NELL1: variants seen among roughly 807,000 people sequenced by gnomAD.
NELL1 encodes neural EGFL like 1, also known as protein kinase C-binding protein NELL1.
In NELL1, 76 loss-of-function variants were observed where a neutral mutation model predicts 107.4. The ratio of observed to expected loss-of-function variants is 0.71; its 90% confidence interval spans 0.59 to 0.86. The LOEUF is 0.86. NELL1 is among the 40% of genes least tolerant of loss of function. The probability of loss-of-function intolerance (pLI) is 0.00; values close to 1 mark genes in which losing one functional copy is unlikely to be tolerated. For synonymous variants in NELL1, 353 were observed against 341.2 expected, an observed-to-expected ratio of 1.03 and a Z score of -0.38; for missense variants, 1,024 against 1,005.5, an observed-to-expected ratio of 1.02 and a Z score of -0.25.
intron 14 of NELL1, among the ~76,000 whole-genome samples, chr11:21,245,681 A>C (rs547151633): frequency 1.2e-4 from 19 of 152,262 alleles, no homozygotes; most frequent in South Asian, 1.0e-3. Context: ...TTGTGTCCCA[A>C]AGCTTATCAT....
intron 2 of NELL1, among the ~76,000 whole-genome samples, chr11:20,695,702 A>G (rs1016741514): frequency 3.3e-5 from 5 of 151,988 alleles, no homozygotes; most frequent in Admixed American, 1.3e-4. Flanking sequence ...TTTTGTGTCT[A>G]TGTTCATTAG....
chr11:21,557,441 T>C (rs889432778), intron 16 of NELL1, among the ~76,000 whole-genome samples: 6 of 152,012 alleles, frequency 3.9e-5, no homozygotes, highest in African/African-American at 7.2e-5. Context: ...ATAATATAGC[T>C]GGGCATTAGT....
At chr11:21,073,259 C>T (rs887695874) in intron 12 of NELL1, among the ~76,000 whole-genome samples, 4 of 152,024 alleles carry the variant, frequency 2.6e-5, no homozygotes, top group African/African-American at 9.7e-5. Context: ...ACTTGGGATC[C>T]ATCTAGAGTC....
At position 20,783,807 on chromosome 11, in the gene NELL1, G is replaced by C; in HGVS notation, c.312G>C (p.Leu104=). The change falls in exon 3 of 20, where the codon CTG becomes CTC. Residue 104 remains leucine, a synonymous_variant. Transcript: ENST00000357134. ...AGCCATCCACTTCAGGAGTGATACT[G>C]TCCATTCGAGAACTGGAGCACAGGT... is the stretch of plus-strand genomic sequence containing the variant. ...QQKPSTSGVI[L]SIRELEHSYF... 1 of 1,612,846 alleles carries C rather than the reference G, an allele frequency of 6.2e-7. No individual in the cohort carries two copies. The highest frequency in any genetic ancestry group is 8.5e-7 in the Non-Finnish European group (1 of 1,179,488).
In NELL1 at chr11:20,669,650, G is replaced by A. The variant is rs1861699161; in HGVS notation, c.-74G>A. The A allele has an allele frequency of 1.5e-6, 2 of 1,332,578 alleles. No individual in the cohort carries two copies. The highest frequency in any genetic ancestry group is 2.1e-6 in the Non-Finnish European group (2 of 931,970). 82.5% of individuals were successfully genotyped at this position (1,332,578 alleles called of 1,614,324 possible). A position where few individuals can be genotyped will look rare whatever the true frequency, so the allele number is the denominator to read the frequency against. On this transcript the variant is annotated 5_prime_UTR_variant, in exon 1 of 20. Coordinates refer to ENST00000357134, the MANE Select transcript of NELL1 (RefSeq NM_006157.5). The surrounding 1 kb of genome is among the most constrained non-coding windows in gnomAD (Gnocchi z 4.4). ...CAAGTTTGGCGGCTCCAAGCCAGGC[G>A]CGCCTCAGGATCCAGGCTCATTTGC... is the stretch of plus-strand genomic sequence containing the variant.
At chr11:20,834,036 G>A (rs1052376491) in intron 3 of NELL1, among the ~76,000 whole-genome samples, 9 of 152,184 alleles carry the variant, frequency 5.9e-5, no homozygotes, top group South Asian at 2.1e-4. Context: ...GGAAGAAGTC[G>A]ATAATATGAT....
intron 13 of NELL1, among the ~76,000 whole-genome samples, chr11:21,165,942 ACGGG>A (rs1240651021): frequency 6.6e-6 from 1 of 151,110 alleles, no homozygotes; most frequent in African/African-American, 2.5e-5. Context: ...TTTAGTAGAG[ACGGG>A]GTTTCACCAT....
At chr11:21,414,296 G>C (rs924356245) in intron 15 of NELL1, among the ~76,000 whole-genome samples, 8 of 152,038 alleles carry the variant, frequency 5.3e-5, no homozygotes, top group Non-Finnish European at 1.0e-4. Context: ...ATAGCAACAT[G>C]ATGTGCTATG....
At chr11:21,009,385 C>T (rs183958042) in intron 12 of NELL1, among the ~76,000 whole-genome samples, 1 of 152,086 alleles carries the variant, frequency 6.6e-6, no homozygotes, top group Non-Finnish European at 1.5e-5. Flanking sequence ...GGAAAAGATG[C>T]ATTGCTTGTG....
At chr11:20,901,048 T>G (rs1268571496) in intron 5 of NELL1, among the ~76,000 whole-genome samples, 2 of 152,138 alleles carry the variant, frequency 1.3e-5, no homozygotes, top group African/African-American at 4.8e-5. Flanking sequence ...AGAATTCCTG[T>G]TAAAATCAGG....
At chr11:20,807,880 G>A (rs1857418920) in intron 3 of NELL1, among the ~76,000 whole-genome samples, 1 of 152,118 alleles carries the variant, frequency 6.6e-6, no homozygotes, top group Non-Finnish European at 1.5e-5. Context: ...GTTCCCTTAA[G>A]GCCCAAAGTC....
chr11:20,835,122 C>T (rs2134042060), intron 3 of NELL1, among the ~76,000 whole-genome samples: 1 of 152,314 alleles, frequency 6.6e-6, no homozygotes, highest in South Asian at 2.1e-4. Context: ...AAGCACTTCT[C>T]TTACCCATCT....
At chr11:21,108,946 A>G (rs1762372692) in intron 12 of NELL1, among the ~76,000 whole-genome samples, 1 of 152,140 alleles carries the variant, frequency 6.6e-6, no homozygotes, top group South Asian at 2.1e-4. Flanking sequence ...CATAAACATC[A>G]GCTACAGCGA....
intron 13 of NELL1, among the ~76,000 whole-genome samples, chr11:21,212,478 C>T (rs1857519199): frequency 6.6e-6 from 1 of 152,108 alleles, no homozygotes; most frequent in African/African-American, 2.4e-5. Flanking sequence ...CTAAAAATCG[C>T]CTGGACATAA....
intron 10 of NELL1, among the ~76,000 whole-genome samples, chr11:20,943,575 C>A (rs1276786377): frequency 6.6e-6 from 1 of 151,828 alleles, no homozygotes; most frequent in African/African-American, 2.4e-5. Flanking sequence ...GTACAAGACC[C>A]CATTTCAAAA....
At chr11:21,574,950 C>T (rs1468882081) in intron 19 of NELL1, 22 bp from the exon 20 acceptor site, 1 of 1,605,358 alleles carries the variant, frequency 6.2e-7, no homozygotes, top group Non-Finnish European at 8.5e-7. Context: ...AACTGGCTAA[C>T]ACATGTTTCT....
At chr11:20,788,389 G>C (rs563553056) in intron 3 of NELL1, among the ~76,000 whole-genome samples, 1 of 152,200 alleles carries the variant, frequency 6.6e-6, no homozygotes, top group Non-Finnish European at 1.5e-5. Context: ...TTTGATGATA[G>C]ACATTCTAAT....
intron 2 of NELL1, among the ~76,000 whole-genome samples, chr11:20,764,643 A>G (rs1322692256): frequency 6.8e-6 from 1 of 148,138 alleles, no homozygotes; most frequent in African/African-American, 2.5e-5. Context: ...CTCAGGGTGC[A>G]GACTGAAAAT....
chr11:20,755,892 T>G (rs150989223), intron 2 of NELL1, among the ~76,000 whole-genome samples: 94,898 of 125,504 alleles, frequency 0.76, 36,528 homozygotes, highest in Middle Eastern at 0.9. Context: ...TTTTTTTTTT[T>G]TTTTTTTTTT....
Sources: gnomAD v4.1 joint callset for allele counts (sites outside exome capture counted in the v4.1 genomes callset) on GRCh38, gnomAD v4.1.1 for gene constraint, Gnocchi (gnomAD v3.1) non-coding constraint, MANE v1.5 for transcripts, NCBI Gene and HGNC (gene_info 2026-07-23, HGNC 2026-07-21) for gene names.